Variants in RGS7BP observed in about 807,000 individuals in gnomAD.
RGS7BP encodes the protein regulator of G protein signaling 7 binding protein.
In RGS7BP, 9 loss-of-function variants were observed where a neutral mutation model predicts 31.3. The ratio of observed to expected loss-of-function variants is 0.29; its 90% CI spans 0.17 to 0.50. RGS7BP has a LOEUF of 0.50. Ranked by LOEUF, RGS7BP falls within the 20% of genes least tolerant of loss-of-function variation. RGS7BP has a pLI of 0.98. For missense variants in RGS7BP, 274 were observed against 322.0 expected (o/e 0.85, Z 1.14); for synonymous variants, 115 against 120.1 (o/e 0.96, Z 0.28).
At chr5:64,604,652 T>G (rs1743308383) in intron 5 of RGS7BP, among the ~76,000 whole-genome samples, 1 of 152,164 alleles carries the variant, frequency 6.6e-6, no homozygotes, top group Non-Finnish European at 1.5e-5. Flanking sequence ...AATTTGTGCT[T>G]TAACAAGACC....
intron 2 of RGS7BP, among the ~76,000 whole-genome samples, chr5:64,526,174 G>A (rs183164498): frequency 3.9e-5 from 6 of 152,268 alleles, no homozygotes; most frequent in African/African-American, 9.6e-5. Flanking sequence ...CTAAACTTAC[G>A]GGTTTATATA....
chr5:64,590,793 T>TA (rs1449449185), intron 3 of RGS7BP, among the ~76,000 whole-genome samples: 37 of 152,174 alleles, frequency 2.4e-4, no homozygotes, highest in South Asian at 4.1e-4. Context: ...CAAATAAATA[T>TA]AAAATAAAAC....
At chr5:64,528,770 C>T (rs1158878202) in intron 2 of RGS7BP, among the ~76,000 whole-genome samples, 1 of 137,468 alleles carries the variant, frequency 7.3e-6, no homozygotes, top group Non-Finnish European at 1.5e-5. Flanking sequence ...AAGATTGCAC[C>T]ATTGCACTCC....
chr5:64,535,390 C>T (rs914936558), intron 2 of RGS7BP, among the ~76,000 whole-genome samples: 5 of 152,148 alleles, frequency 3.3e-5, no homozygotes, highest in African/African-American at 1.2e-4. Context: ...GACCTAATGG[C>T]TACAAGAAAC....
chr5:64,565,267 A>G (rs1273598043), intron 2 of RGS7BP, among the ~76,000 whole-genome samples: 1 of 152,096 alleles, frequency 6.6e-6, no homozygotes, highest in African/African-American at 2.4e-5. Flanking sequence ...GTATGTTGTT[A>G]GGTAAAAAAG....
Position 64,572,376 on chromosome 5 carries a change from C to T in RGS7BP, c.333-3398C>T, listed in dbSNP as rs112480988. 4.6e-3 allele frequency among the ~76,000 whole-genome samples: 695 copies of T among 152,232 alleles called. 2 individuals are homozygous for T. Among genetic ancestry groups the T allele is most frequent in the African/African-American group, 0.016 (653 of 41,526 alleles). Reference sequence around the variant, plus strand: ...ATCAGACATATTATAACTCATTTGACAACTTGCATTTCAATGAACTTTCAG... The same window carrying T: ...ATCAGACATATTATAACTCATTTGATAACTTGCATTTCAATGAACTTTCAG... On this transcript the variant is annotated intron_variant, in intron 2 of 5. Transcript: ENST00000334025.
chr5:64,521,658 C>T (rs272621), intron 2 of RGS7BP, among the ~76,000 whole-genome samples: 4,203 of 152,204 alleles, frequency 0.028, 84 homozygotes, highest in Middle Eastern at 0.044. Flanking sequence ...TCCTATTTAT[C>T]TTAGAATTAA....
intron 3 of RGS7BP, among the ~76,000 whole-genome samples, chr5:64,580,834 G>A (rs1437618845): frequency 6.6e-6 from 1 of 152,086 alleles, no homozygotes; most frequent in Non-Finnish European, 1.5e-5. Context: ...AGAGTTTTAG[G>A]GGAATTTTGG....
chr5:64,534,263 G>A (rs1173921353), intron 2 of RGS7BP, among the ~76,000 whole-genome samples: 1 of 152,168 alleles, frequency 6.6e-6, no homozygotes, highest in African/African-American at 2.4e-5. Flanking sequence ...GGAGTGTGGT[G>A]AGAGGCAGGA....
rs983752931 is a variant in RGS7BP, at chr5:64,609,501, A to G, written c.*249A>G. 4 of 484,316 alleles carry G rather than the reference A, an allele frequency of 8.3e-6. No individual in the cohort carries two copies. The highest frequency in any genetic ancestry group is 3.4e-5 in the East Asian group (1 of 29,368). 30.0% of individuals were successfully genotyped at this position (484,316 alleles called of 1,614,324 possible). A position where few individuals can be genotyped will look rare whatever the true frequency, so the allele number is the denominator to read the frequency against. On this transcript the variant is annotated 3_prime_UTR_variant, in exon 6 of 6. Transcript: ENST00000334025. ...GGGAATTTTAAAGCTGACATTGTGC[A>G]TGTCTGCTCCAAACCACGCCATGAC...
At chr5:64,521,247 T>G (rs532955053) in intron 2 of RGS7BP, among the ~76,000 whole-genome samples, 3 of 152,028 alleles carry the variant, frequency 2.0e-5, no homozygotes, top group Admixed American at 2.0e-4. Flanking sequence ...ACTTGATGGG[T>G]TTTTTAAATT....
chr5:64,583,076 G>C (rs1446300210), intron 3 of RGS7BP, among the ~76,000 whole-genome samples: 3 of 152,152 alleles, frequency 2.0e-5, no homozygotes, highest in Admixed American at 6.5e-5. Context: ...TGGGTGGTGA[G>C]AGACTGCAGT....
At chr5:64,608,429 C>T (rs960687758) in intron 5 of RGS7BP, among the ~76,000 whole-genome samples, 2 of 151,864 alleles carry the variant, frequency 1.3e-5, no homozygotes, top group African/African-American at 4.8e-5. Flanking sequence ...TATGAATGCC[C>T]TTGTGTACAG....
At chr5:64,531,583 C>T (rs1232915471) in intron 2 of RGS7BP, among the ~76,000 whole-genome samples, 1 of 152,186 alleles carries the variant, frequency 6.6e-6, no homozygotes, top group Non-Finnish European at 1.5e-5. Context: ...TGGAAATATG[C>T]TCCTTATTCG....
At chr5:64,536,278 T>C (rs1741353614) in intron 2 of RGS7BP, among the ~76,000 whole-genome samples, 1 of 152,174 alleles carries the variant, frequency 6.6e-6, no homozygotes. Flanking sequence ...GAGCAAGAGC[T>C]TGTGAGTACA....
intron 3 of RGS7BP, among the ~76,000 whole-genome samples, chr5:64,592,697 A>G (rs939708595): frequency 2.0e-5 from 3 of 152,194 alleles, no homozygotes. Flanking sequence ...GACAAAGCCC[A>G]TAAACCAGAG....
At chr5:64,518,171 A>C (rs927396592) in intron 2 of RGS7BP, among the ~76,000 whole-genome samples, 1 of 152,208 alleles carries the variant, frequency 6.6e-6, no homozygotes, top group Non-Finnish European at 1.5e-5. Context: ...AACAGTATTT[A>C]ACCCATAATT....
At chr5:64,595,695 A>C (rs1391654279) in intron 4 of RGS7BP, among the ~76,000 whole-genome samples, 1 of 152,210 alleles carries the variant, frequency 6.6e-6, no homozygotes, top group Admixed American at 6.5e-5. Flanking sequence ...AGCTGAATGA[A>C]TACTGGGCAA....
rs1189470263 is a variant in RGS7BP at position 64,575,798 on chromosome 5, A to G, written c.357A>G (p.Pro119=). ...GCCCGGAAGATGGTGAGATCCATCC[A>G]GAAATCTGTCGGCTTTACATCCAGC... The part of the protein sequence containing the change: ...ISGPEDGEIH[P]EICRLYIQLQ... Residue 119 remains proline, a synonymous_variant, in exon 3 of 6, where the codon CCA becomes CCG. Coordinates refer to ENST00000334025, the MANE Select transcript of RGS7BP (RefSeq NM_001029875.3). 3.1e-6 allele frequency: 5 copies of G among 1,612,380 alleles called. No homozygotes were observed. In the African/African-American group the frequency reaches 6.7e-5, roughly 22 times the overall value.
Sources: gnomAD v4.1 joint callset for allele counts (sites outside exome capture counted in the v4.1 genomes callset) on GRCh38, gnomAD v4.1.1 for gene constraint, MANE v1.5 for transcripts, NCBI Gene and HGNC (gene_info 2026-07-23, HGNC 2026-07-21) for gene names.